The following RRH variants were observed in gnomAD, a reference collection of about 807,000 sequenced individuals.
The protein encoded by RRH is visual pigment-like receptor peropsin.
Under a neutral mutation model 33.1 loss-of-function variants are expected in RRH, and 36 were observed. That is an observed-to-expected ratio of 1.09 (90% confidence interval 0.83 to 1.44). RRH has a LOEUF of 1.44. RRH is among the 40% of genes most tolerant of loss of function. RRH has a pLI of 0.00. For missense variants in RRH, 393 were observed against 420.2 expected, an observed-to-expected ratio of 0.94 and a Z score of 0.57; for synonymous variants, 124 against 140.2, an observed-to-expected ratio of 0.88 and a Z score of 0.82.
intron 2 of RRH, among the ~76,000 whole-genome samples, chr4:109,834,353 G>A (rs1733832244): frequency 1.4e-5 from 2 of 140,368 alleles, no homozygotes; most frequent in Admixed American, 7.3e-5. Flanking sequence ...TATTTGAGAT[G>A]GAGTCACGCT....
chr4:109,831,206 T>C (rs1477306562), intron 1 of RRH, among the ~76,000 whole-genome samples: 2 of 152,182 alleles, frequency 1.3e-5, no homozygotes, highest in East Asian at 1.9e-4. Flanking sequence ...GTCATTGAAT[T>C]TGTAGCTAGC....
rs753338598 is a variant in RRH at position 109,828,011 on chromosome 4, G to A, written c.-17G>A. On this transcript the variant is annotated 5_prime_UTR_variant, in exon 1 of 7. Transcript: ENST00000317735. The stretch of plus-strand genomic sequence containing the variant: ...GAAGGCTTATTATGAAGGGTGTTTC[G>A]GTATCTTCCCTCCAAAATGCTAAGA... 9 of 1,490,016 alleles carry A rather than the reference G, an allele frequency of 6.0e-6. No individual in the cohort carries two copies. The highest frequency in any genetic ancestry group is 1.7e-4 in the Middle Eastern group (1 of 5,848). 92.3% of individuals were successfully genotyped at this position (1,490,016 alleles called of 1,614,324 possible).
At chr4:109,836,445 C>G (rs1273668835) in intron 4 of RRH, among the ~76,000 whole-genome samples, 1 of 152,182 alleles carries the variant, frequency 6.6e-6, no homozygotes, top group Non-Finnish European at 1.5e-5. Flanking sequence ...ATCACCCTTC[C>G]AATATTTGCA....
chr4:109,832,495 A>AGT (rs36127904), intron 1 of RRH, among the ~76,000 whole-genome samples: 2,842 of 135,178 alleles, frequency 0.021, 97 homozygotes, highest in East Asian at 0.12. Flanking sequence ...CTATTGGGGT[A>AGT]GTGTGTGTGT....
intron 4 of RRH, among the ~76,000 whole-genome samples, chr4:109,837,047 G>A (rs771061799): frequency 1.5e-4 from 23 of 151,954 alleles, no homozygotes; most frequent in African/African-American, 4.4e-4. Context: ...TGATTGCACC[G>A]CTGCACTCCA....
chr4:109,843,264 G>T (rs768064833), intron 6 of RRH, among the ~76,000 whole-genome samples: 1 of 152,202 alleles, frequency 6.6e-6, no homozygotes, highest in African/African-American at 2.4e-5. Context: ...CCAGGCTGGA[G>T]TGCAGTGGTG....
chr4:109,832,495 AGTGTGTGTGTGTGTGT>A (rs36127904), intron 1 of RRH, among the ~76,000 whole-genome samples: 1 of 135,180 alleles, frequency 7.4e-6, no homozygotes, highest in Non-Finnish European at 1.6e-5. Flanking sequence ...CTATTGGGGT[AGTGTGTGTGTGTGTGT>A]GTGTGTGTGT....
chr4:109,828,731 T>G (rs572562179), intron 1 of RRH, among the ~76,000 whole-genome samples: 2 of 152,212 alleles, frequency 1.3e-5, no homozygotes, highest in African/African-American at 4.8e-5. Flanking sequence ...TTGGATTTCA[T>G]CTTTTAGTAT....
intron 1 of RRH, among the ~76,000 whole-genome samples, chr4:109,832,665 C>T (rs1733782438): frequency 6.6e-6 from 1 of 151,944 alleles, no homozygotes; most frequent in Non-Finnish European, 1.5e-5. Flanking sequence ...GAGCTTGTGT[C>T]ATGGCTGAAA....
In RRH at chr4:109,836,166, A is replaced by G; in HGVS notation, c.551+6A>G. ...AACTGGAGGAAAAATGATAGGTAAGAGACAAGTTTACACTTTATAATCAAA... is the reference window on the plus strand; with the variant it reads ...AACTGGAGGAAAAATGATAGGTAAGGGACAAGTTTACACTTTATAATCAAA... On this transcript the variant is annotated splice_donor_region_variant and intron_variant, in intron 4 of 6. Coordinates refer to ENST00000317735, the MANE Select transcript of RRH (RefSeq NM_006583.5). The G allele has an allele frequency of 6.2e-7, 1 of 1,613,874 alleles. No homozygotes were observed. Among genetic ancestry groups the G allele is most frequent in the Non-Finnish European group, 8.5e-7 (1 of 1,179,766 alleles).
intron 1 of RRH, 133 bp from the exon 2 acceptor site, chr4:109,833,006 G>A: frequency 1.4e-6 from 1 of 729,608 alleles, no homozygotes; most frequent in South Asian, 1.6e-5. Context: ...TTTAAGAACA[G>A]CAGGAGCTCT....
chr4:109,839,877 A>G (rs1733954661), intron 5 of RRH, among the ~76,000 whole-genome samples: 1 of 152,074 alleles, frequency 6.6e-6, no homozygotes, highest in Non-Finnish European at 1.5e-5. Flanking sequence ...AATTTAGGTT[A>G]ATTCCATGTC....
intron 1 of RRH, 87 bp from the exon 2 acceptor site, chr4:109,833,052 T>C: frequency 9.1e-7 from 1 of 1,098,470 alleles, no homozygotes; most frequent in Non-Finnish European, 1.4e-6. Context: ...TGTTATGTTT[T>C]TAAAGGGGCT....
Position 109,828,011 on chromosome 4 carries a change from G to T in RRH, c.-17G>T. On this transcript the variant is annotated 5_prime_UTR_variant, in exon 1 of 7. Transcript: ENST00000317735. Reference sequence around the variant, plus strand: ...GAAGGCTTATTATGAAGGGTGTTTCGGTATCTTCCCTCCAAAATGCTAAGA... The same window carrying T: ...GAAGGCTTATTATGAAGGGTGTTTCTGTATCTTCCCTCCAAAATGCTAAGA... 1 of 1,490,134 alleles carries T rather than the reference G, an allele frequency of 6.7e-7. No individual in the cohort carries two copies. Among genetic ancestry groups the T allele is most frequent in the South Asian group, 1.1e-5 (1 of 88,396 alleles). The allele number at this position is 1,490,134 out of a possible 1,614,324, so 92.3% of individuals were successfully genotyped here. A position where few individuals can be genotyped will look rare whatever the true frequency, so the allele number is the denominator to read the frequency against.
intron 3 of RRH, 63 bp downstream of exon 3, chr4:109,835,528 T>C: frequency 9.2e-7 from 1 of 1,083,798 alleles, no homozygotes; most frequent in Non-Finnish European, 1.4e-6. Flanking sequence ...ACTCAATATA[T>C]ATATACGCTA....
Position 109,844,908 on chromosome 4 carries a change from A to G in RRH, c.*711A>G, listed in dbSNP as rs148827772. On this transcript the variant is annotated 3_prime_UTR_variant, in exon 7 of 7. Transcript: ENST00000317735. ...ATATACCCAATTCTGTCTGGCATGT[A>G]GTAGGCACTCAATAAATATTTTTTC... Among the ~76,000 whole-genome samples the G allele has an allele frequency of 0.021, 3,152 of 152,304 alleles. 39 individuals are homozygous for G. The highest frequency in any genetic ancestry group is 0.037 in the Middle Eastern group (11 of 294).
At chr4:109,837,290 C>A in intron 4 of RRH, 147 bp from the exon 5 acceptor site, 1 of 762,348 alleles carries the variant, frequency 1.3e-6, no homozygotes, top group Non-Finnish European at 2.2e-6. Context: ...AATTCCGGGC[C>A]TAAATAAACT....
At chr4:109,840,001 G>A (rs1211977516) in intron 5 of RRH, among the ~76,000 whole-genome samples, 2 of 152,152 alleles carry the variant, frequency 1.3e-5, no homozygotes, top group Non-Finnish European at 1.5e-5. Context: ...GAATTGGTGG[G>A]ACAAATGGTA....
intron 1 of RRH, among the ~76,000 whole-genome samples, chr4:109,830,685 C>T (rs1386523412): frequency 6.6e-6 from 1 of 151,988 alleles, no homozygotes; most frequent in African/African-American, 2.4e-5. Context: ...GTTTGAGTGT[C>T]CGGAGGCTGA....
Sources: allele counts gnomAD v4.1 joint callset (sites outside exome capture counted in the v4.1 genomes callset), GRCh38; gene constraint gnomAD v4.1.1; transcripts MANE v1.5; gene names NCBI Gene and HGNC (gene_info 2026-07-23, HGNC 2026-07-21).